The following TMEM178B variants were observed in gnomAD, a reference collection of about 807,000 sequenced individuals.
The protein encoded by TMEM178B is transmembrane protein 178B.
TMEM178B carries 5 observed loss-of-function variants against 31.0 expected under a neutral mutation model. That is an observed-to-expected ratio of 0.16 (90% CI 0.08 to 0.34). The LOEUF is 0.34. Ranked by LOEUF, TMEM178B falls within the 10% of genes least tolerant of loss-of-function variation. The pLI is 1.00. For missense variants in TMEM178B, 275 were observed against 400.3 expected (o/e 0.69, Z 2.67); for synonymous variants, 164 against 164.0 (o/e 1.00, Z 0.00).
intron 2 of TMEM178B, among the ~76,000 whole-genome samples, chr7:141,397,141 G>T (rs1026492687): frequency 2.0e-5 from 3 of 152,204 alleles, no homozygotes; most frequent in Non-Finnish European, 2.9e-5. Context: ...TTCAGTTGGT[G>T]CCTGAAGTAA....
At chr7:141,440,071 C>T (rs1270250204) in intron 3 of TMEM178B, among the ~76,000 whole-genome samples, 1 of 152,250 alleles carries the variant, frequency 6.6e-6, no homozygotes, top group East Asian at 1.9e-4. Flanking sequence ...GGTCATTGGG[C>T]TATATCCCAC....
At position 141,156,933 on chromosome 7, in the gene TMEM178B, G is replaced by A. The variant is rs116111236; in HGVS notation, c.383-55658G>A. The stretch of plus-strand genomic sequence containing the variant: ...GGGGTAGGTCAGTGGTTTGTAACCA[G>A]GGGATGTTTCAGAATGCTGCTGATC... On this transcript the variant is annotated intron_variant, in intron 1 of 3. Transcript: ENST00000565468. Among the ~76,000 whole-genome samples, 1,252 of 152,296 alleles carry A rather than the reference G, an allele frequency of 8.2e-3. 20 individuals carry two copies. The highest frequency in any genetic ancestry group is 0.029 in the African/African-American group (1,189 of 41,560).
chr7:141,355,378 C>A (rs966422006), intron 2 of TMEM178B, among the ~76,000 whole-genome samples: 1 of 152,220 alleles, frequency 6.6e-6, no homozygotes, highest in Non-Finnish European at 1.5e-5. Context: ...GCATTGGGAC[C>A]CCTATGGACT....
chr7:141,324,277 A>C (rs1237274171), intron 2 of TMEM178B, among the ~76,000 whole-genome samples: 3 of 152,164 alleles, frequency 2.0e-5, no homozygotes, highest in Non-Finnish European at 2.9e-5. Flanking sequence ...GGAATATTCC[A>C]GGTAGCAGAA....
intron 2 of TMEM178B, among the ~76,000 whole-genome samples, chr7:141,348,209 A>C (rs1175755847): frequency 2.0e-5 from 3 of 152,178 alleles, no homozygotes; most frequent in South Asian, 2.1e-4. Flanking sequence ...CAAATTTCGC[A>C]GTTATTTCTT....
intron 1 of TMEM178B, among the ~76,000 whole-genome samples, chr7:141,127,188 G>A (rs940774449): frequency 2.0e-5 from 3 of 152,086 alleles, no homozygotes; most frequent in Admixed American, 6.5e-5. Context: ...GCAAGGGATC[G>A]AGCTCTTTTT....
At chr7:141,454,588 CCT>C (rs1335170931) in intron 3 of TMEM178B, among the ~76,000 whole-genome samples, 1 of 147,702 alleles carries the variant, frequency 6.8e-6, no homozygotes, top group African/African-American at 2.5e-5. Flanking sequence ...TCCTCTCTCT[CCT>C]CTCTCTCCTC....
intron 2 of TMEM178B, among the ~76,000 whole-genome samples, chr7:141,260,094 G>A (rs1354543017): frequency 6.6e-6 from 1 of 151,950 alleles, no homozygotes; most frequent in Non-Finnish European, 1.5e-5. Flanking sequence ...TGTCTAGCTT[G>A]TCTGCCATTT....
At chr7:141,494,066 A>G in the TMEM178B span, among the ~76,000 whole-genome samples, 8 of 152,140 alleles carry the variant, frequency 5.3e-5, no homozygotes, top group Non-Finnish European at 7.3e-5. Flanking sequence ...TCTAACTAAC[A>G]CGATTATTTT....
At chr7:141,240,169 G>A (rs996737288) in intron 2 of TMEM178B, among the ~76,000 whole-genome samples, 7 of 152,224 alleles carry the variant, frequency 4.6e-5, no homozygotes, top group African/African-American at 1.7e-4. Flanking sequence ...TGTGGGTAGT[G>A]GCTACTGTAT....
intron 1 of TMEM178B, among the ~76,000 whole-genome samples, chr7:141,200,418 G>C (rs887924479): frequency 2.0e-5 from 3 of 151,824 alleles, no homozygotes; most frequent in East Asian, 1.9e-4. Context: ...TCCTGGTTGC[G>C]GGGGGAGACA....
At chr7:141,226,112 C>T (rs890522357) in intron 2 of TMEM178B, among the ~76,000 whole-genome samples, 1 of 152,156 alleles carries the variant, frequency 6.6e-6, no homozygotes, top group African/African-American at 2.4e-5. Flanking sequence ...ACCACCCCAT[C>T]CACTGCCTCA....
At chr7:141,484,364 C>T (rs769850889), downstream of TMEM178B, among the ~76,000 whole-genome samples, 2 of 152,088 alleles carry the variant, frequency 1.3e-5, no homozygotes, top group Admixed American at 6.5e-5. The surrounding 1 kb of genome is among the most constrained non-coding windows in gnomAD (Gnocchi z 4.8). Context: ...GGGTGGTTCT[C>T]GGACCAGGAG....
At chr7:141,304,384 A>G (rs1798778330) in intron 2 of TMEM178B, among the ~76,000 whole-genome samples, 1 of 151,924 alleles carries the variant, frequency 6.6e-6, no homozygotes, top group Non-Finnish European at 1.5e-5. Context: ...CAAAGGAGCA[A>G]ATTTGCTCCA....
intron 1 of TMEM178B, among the ~76,000 whole-genome samples, chr7:141,104,289 C>T (rs1435305447): frequency 2.6e-5 from 4 of 152,148 alleles, no homozygotes; most frequent in East Asian, 1.9e-4. Context: ...GCCTGTATTT[C>T]GAGCACAGTG....
At chr7:141,095,793 A>G (rs191355340) in intron 1 of TMEM178B, among the ~76,000 whole-genome samples, 1 of 152,354 alleles carries the variant, frequency 6.6e-6, no homozygotes, top group East Asian at 1.9e-4. Context: ...CCTGGCTAAT[A>G]AAGAGTGGAA....
At chr7:141,238,657 T>C (rs929002628) in intron 2 of TMEM178B, among the ~76,000 whole-genome samples, 5 of 152,314 alleles carry the variant, frequency 3.3e-5, no homozygotes, top group African/African-American at 1.2e-4. Context: ...GTGAGTGAAC[T>C]GAGGCAGGTT....
At chr7:141,444,308 G>T (rs2116692850) in intron 3 of TMEM178B, among the ~76,000 whole-genome samples, 1 of 152,238 alleles carries the variant, frequency 6.6e-6, no homozygotes, top group South Asian at 2.1e-4. Context: ...CTAATGTCGG[G>T]AACAATGTCT....
intron 2 of TMEM178B, among the ~76,000 whole-genome samples, chr7:141,290,499 G>A (rs374999023): frequency 1.3e-5 from 2 of 151,770 alleles, no homozygotes; most frequent in Non-Finnish European, 2.9e-5. Flanking sequence ...CTGCCCAGGT[G>A]TGAAATGTAC....
Sources: gnomAD v4.1 joint callset for allele counts (sites outside exome capture counted in the v4.1 genomes callset) on GRCh38, gnomAD v4.1.1 for gene constraint, Gnocchi (gnomAD v3.1) non-coding constraint, MANE v1.5 for transcripts, NCBI Gene and HGNC (gene_info 2026-07-23, HGNC 2026-07-21) for gene names.